Variants in PANX1 observed in about 807,000 individuals in gnomAD.
PANX1 encodes pannexin 1.
Under a neutral mutation model 38.7 loss-of-function variants are expected in PANX1, and 30 were observed. That is an observed-to-expected ratio of 0.78 (90% CI 0.58 to 1.05). PANX1 has a LOEUF of 1.05. Among genes scored for constraint, PANX1 ranks in the 50% least tolerant of loss-of-function variants. The pLI, the probability that PANX1 is intolerant of heterozygous loss-of-function variation, is 0.00. For missense variants in PANX1, 551 were observed against 517.2 expected, an observed-to-expected ratio of 1.07 and a Z score of -0.63; for synonymous variants, 230 against 212.2, an observed-to-expected ratio of 1.08 and a Z score of -0.73.
chr11:94,129,600 C>A, intron 1 of PANX1, 107 bp downstream of exon 1: 2 of 1,045,008 alleles, frequency 1.9e-6, no homozygotes, highest in South Asian at 1.7e-5. Flanking sequence ...CTGTGATGGT[C>A]GTGAGCGTCA....
intron 1 of PANX1, among the ~76,000 whole-genome samples, chr11:94,143,074 T>C (rs537876644): frequency 6.6e-6 from 1 of 152,396 alleles, no homozygotes; most frequent in East Asian, 1.9e-4. Context: ...ACAGTCATTG[T>C]AAGTCCTTTT....
chr11:94,163,842 A>G (rs1947074145), intron 2 of PANX1, among the ~76,000 whole-genome samples: 1 of 152,188 alleles, frequency 6.6e-6, no homozygotes, highest in Admixed American at 6.5e-5. Context: ...AGAATTTAGC[A>G]GTGAAGCCAT....
At chr11:94,154,312 G>A (rs1260686273) in intron 2 of PANX1, among the ~76,000 whole-genome samples, 1 of 152,162 alleles carries the variant, frequency 6.6e-6, no homozygotes, top group Non-Finnish European at 1.5e-5. Flanking sequence ...CAGGTGGCAG[G>A]GGATGCAGTG....
At chr11:94,142,635 A>C (rs553544178) in intron 1 of PANX1, among the ~76,000 whole-genome samples, 1 of 152,214 alleles carries the variant, frequency 6.6e-6, no homozygotes, top group African/African-American at 2.4e-5. Context: ...TTCATCTACA[A>C]TAATTGGTGG....
rs1271651692 is a variant in PANX1 at position 94,178,524 on chromosome 11, T to C, written c.477T>C (p.Ser159=). ...VYNRAIKAAK[S]ARDLDMRDGA... ...ACCGTGCAATTAAGGCTGCAAAGAG[T>C]GCGCGTGACCTTGACATGAGAGATG... is the stretch of plus-strand genomic sequence containing the variant. The change falls in exon 3 of 5, where the codon AGT becomes AGC. Residue 159 remains serine (S), a synonymous_variant. Coordinates refer to ENST00000227638, the MANE Select transcript of PANX1 (RefSeq NM_015368.4). 6 of 1,613,634 alleles carry C rather than the reference T, an allele frequency of 3.7e-6. No individual in the cohort carries two copies. The highest frequency in any genetic ancestry group is 5.1e-6 in the Non-Finnish European group (6 of 1,179,938).
chr11:94,161,438 C>G lies in PANX1; in HGVS notation c.321+7808C>G, dbSNP rs571739619. On this transcript the variant is annotated intron_variant, in intron 2 of 4. Transcript: ENST00000227638. Reference sequence around the variant, plus strand: ...TTTGTTTCTTTTTACTCTTTTTTCTCTAAACTTCTCTTCTCACTTCATTTC... The same window carrying G: ...TTTGTTTCTTTTTACTCTTTTTTCTGTAAACTTCTCTTCTCACTTCATTTC... Among the ~76,000 whole-genome samples, 7 of 152,260 alleles carry G rather than the reference C, an allele frequency of 4.6e-5. No homozygotes were observed. In the East Asian group the frequency reaches 1.4e-3, roughly 29 times the overall value.
chr11:94,153,518 G>C lies in PANX1; in HGVS notation c.209G>C (p.Ser70Thr), dbSNP rs1300271804. The C allele has an allele frequency of 2.5e-6, 4 of 1,614,120 alleles. No homozygotes were observed. The highest frequency in any genetic ancestry group is 4.5e-5 in the East Asian group (2 of 44,878). The stretch of plus-strand genomic sequence containing the variant: ...ACACAGATAAGCTGTTTCTCTCCAA[G>C]TTCTTTCTCCTGGCGTCAGGCTGCC... Reference protein sequence around the residue: ...IGTQISCFSPSSFSWRQAAFV... With the variant: ...IGTQISCFSPTSFSWRQAAFV... The change falls in exon 2 of 5, where the codon AGT becomes ACT. Residue 70 changes from serine (S) to threonine (T), a missense_variant. Physicochemically the swap from Ser to Thr is moderately conservative, Grantham distance 58 (BLOSUM62 1). Transcript: ENST00000227638.
intron 1 of PANX1, among the ~76,000 whole-genome samples, chr11:94,139,656 G>A (rs1455932066): frequency 6.6e-6 from 1 of 152,164 alleles, no homozygotes; most frequent in Non-Finnish European, 1.5e-5. Flanking sequence ...GGAGGGGAGA[G>A]GGCCTGAAGC....
intron 2 of PANX1, among the ~76,000 whole-genome samples, chr11:94,169,673 AGCCGCAT>A (rs1947141680): frequency 6.6e-6 from 1 of 151,664 alleles, no homozygotes; most frequent in Admixed American, 6.6e-5. Context: ...GGGAGAAAAC[AGCCGCAT>A]GCCCACAGGG....
chr11:94,136,508 C>G (rs974249148), intron 1 of PANX1, among the ~76,000 whole-genome samples: 1 of 152,184 alleles, frequency 6.6e-6, no homozygotes, highest in Non-Finnish European at 1.5e-5. Context: ...CGGCCGGGCG[C>G]GGTGACTCAT....
chr11:94,132,507 C>T (rs1946641627), intron 1 of PANX1, among the ~76,000 whole-genome samples: 1 of 152,120 alleles, frequency 6.6e-6, no homozygotes, highest in Non-Finnish European at 1.5e-5. Context: ...GTGGCACCGT[C>T]ACATGGAGAG....
Position 94,129,501 on chromosome 11 carries a change from T to A in PANX1, c.181+8T>A. 6.2e-7 allele frequency: 1 copy of A among 1,603,784 alleles called. No homozygotes were observed. The highest frequency in any genetic ancestry group is 8.5e-7 in the Non-Finnish European group (1 of 1,173,282). On this transcript the variant is annotated splice_region_variant and intron_variant, in intron 1 of 4. Transcript: ENST00000227638. ...CGCAGGAGATCTCGATTGGTAAGCC[T>A]CGCCCAGGACGGAGGGGAGTGGCCG... is the stretch of plus-strand genomic sequence containing the variant.
At chr11:94,142,240 C>T (rs904957348) in intron 1 of PANX1, among the ~76,000 whole-genome samples, 17 of 152,126 alleles carry the variant, frequency 1.1e-4, no homozygotes, top group Admixed American at 1.3e-4. Flanking sequence ...GGTGCCTAGT[C>T]TGTTAAGCGC....
At chr11:94,164,169 A>G (rs1424752573) in intron 2 of PANX1, among the ~76,000 whole-genome samples, 3 of 151,926 alleles carry the variant, frequency 2.0e-5, no homozygotes, top group African/African-American at 7.2e-5. Context: ...CAAAAAACCA[A>G]CTTTTAAATT....
chr11:94,166,890 C>T (rs1947107828), intron 2 of PANX1, among the ~76,000 whole-genome samples: 2 of 152,118 alleles, frequency 1.3e-5, no homozygotes, highest in Admixed American at 1.3e-4. Flanking sequence ...TGGGTCACAT[C>T]CCAAGCCCAC....
chr11:94,146,530 A>T (rs1946830645), intron 1 of PANX1, among the ~76,000 whole-genome samples: 1 of 152,196 alleles, frequency 6.6e-6, no homozygotes, highest in Admixed American at 6.5e-5. Flanking sequence ...CTAAGTGCCC[A>T]CCATAGCTGA....
chr11:94,163,987 A>T (rs55905465), intron 2 of PANX1, among the ~76,000 whole-genome samples: 2 of 151,526 alleles, frequency 1.3e-5, no homozygotes, highest in Admixed American at 6.6e-5. Flanking sequence ...AAATTTATCA[A>T]TTTTTTTTAG....
chr11:94,147,909 G>C (rs1034147366), intron 1 of PANX1, among the ~76,000 whole-genome samples: 4 of 152,166 alleles, frequency 2.6e-5, no homozygotes, highest in African/African-American at 9.7e-5. Flanking sequence ...GGGGAGGGAA[G>C]CATCTGGGGC....
chr11:94,142,841 A>C (rs1410351376), intron 1 of PANX1, among the ~76,000 whole-genome samples: 1 of 152,184 alleles, frequency 6.6e-6, no homozygotes, highest in African/African-American at 2.4e-5. Flanking sequence ...CCCGTGTAGA[A>C]ACGGGAAGAA....
Sources: allele counts gnomAD v4.1 joint callset (sites outside exome capture counted in the v4.1 genomes callset), GRCh38; gene constraint gnomAD v4.1.1; transcripts MANE v1.5; gene names NCBI Gene and HGNC (gene_info 2026-07-23, HGNC 2026-07-21).